Variants in GMDS observed in about 807,000 individuals in gnomAD.
GMDS encodes the protein GDP-mannose 4,6 dehydratase.
In GMDS, 20 loss-of-function variants were observed where a neutral mutation model predicts 49.9. The ratio of observed to expected loss-of-function variants is 0.40; its 90% CI spans 0.28 to 0.58. The LOEUF (loss-of-function observed/expected upper bound fraction) is 0.58, where lower values mean the gene tolerates loss of function less well. Among genes scored for constraint, GMDS ranks in the 20% least tolerant of loss-of-function variants. The pLI is 0.42. For synonymous variants in GMDS, 177 were observed against 178.6 expected (o/e 0.99, Z 0.07); for missense variants, 362 against 481.4 (o/e 0.75, Z 2.32).
chr6:1,816,878 AG>A (rs1488601515), intron 7 of GMDS, among the ~76,000 whole-genome samples: 1 of 151,358 alleles, frequency 6.6e-6, no homozygotes, highest in Non-Finnish European at 1.5e-5. Flanking sequence ...TTTCAATGGA[AG>A]GGGGGTGGTA....
intron 7 of GMDS, among the ~76,000 whole-genome samples, chr6:1,885,218 T>C (rs890681381): frequency 1.3e-5 from 2 of 152,170 alleles, no homozygotes; most frequent in Non-Finnish European, 1.5e-5. Context: ...TGTAATTTAT[T>C]AGAAAAGCCT....
intron 4 of GMDS, among the ~76,000 whole-genome samples, chr6:2,090,791 G>C (rs1239072287): frequency 2.6e-5 from 4 of 152,098 alleles, no homozygotes; most frequent in Non-Finnish European, 5.9e-5. Flanking sequence ...TATTGAAGAA[G>C]GATTTAGCTG....
In GMDS at chr6:2,163,615, G is replaced by A. The variant is rs145788707; in HGVS notation, c.103-38884C>T. On this transcript the variant is annotated intron_variant, in intron 1 of 10. Transcript: ENST00000380815. ...ATAACATTTTAATTTGAGTCCAAAG[G>A]GAGGAAAAGACCATGTCCCAGCTCA... 1.0e-3 allele frequency among the ~76,000 whole-genome samples: 155 copies of A among 152,270 alleles called. 1 individual carries two copies. The highest frequency in any genetic ancestry group is 3.5e-3 in the African/African-American group (147 of 41,556).
chr6:2,039,905 C>T (rs1769554545), intron 4 of GMDS, among the ~76,000 whole-genome samples: 2 of 152,136 alleles, frequency 1.3e-5, no homozygotes, highest in Admixed American at 1.3e-4. Context: ...GTATTATGTA[C>T]AGTACATAAC....
At chr6:2,060,523 T>A (rs1205948313) in intron 4 of GMDS, among the ~76,000 whole-genome samples, 1 of 152,136 alleles carries the variant, frequency 6.6e-6, no homozygotes, top group Non-Finnish European at 1.5e-5. Context: ...AGCTTATCCA[T>A]TCTAGGAGGT....
intron 4 of GMDS, among the ~76,000 whole-genome samples, chr6:2,038,196 C>A (rs531643941): frequency 6.6e-6 from 1 of 152,238 alleles, no homozygotes; most frequent in East Asian, 1.9e-4. Flanking sequence ...CTGGTTTTGT[C>A]CCAGCCTTGC....
At chr6:1,954,874 A>G (rs150113397) in intron 6 of GMDS, among the ~76,000 whole-genome samples, 240 of 152,290 alleles carry the variant, frequency 1.6e-3, no homozygotes, top group African/African-American at 5.0e-3. Context: ...GGTAATGGCC[A>G]GTTGGTGGAG....
chr6:2,082,148 A>G (rs1227102950), intron 4 of GMDS, among the ~76,000 whole-genome samples: 3 of 152,202 alleles, frequency 2.0e-5, no homozygotes, highest in African/African-American at 7.2e-5. Context: ...GACACATGAT[A>G]CGTGTTCCCT....
At chr6:2,041,597 T>C (rs902775781) in intron 4 of GMDS, among the ~76,000 whole-genome samples, 1 of 152,010 alleles carries the variant, frequency 6.6e-6, no homozygotes, top group African/African-American at 2.4e-5. Context: ...ATCCTCACCC[T>C]CCCATCCTGG....
At chr6:1,919,007 C>T (rs920358222) in intron 7 of GMDS, among the ~76,000 whole-genome samples, 1 of 152,108 alleles carries the variant, frequency 6.6e-6, no homozygotes, top group East Asian at 1.9e-4. Flanking sequence ...AAGAAAGCAT[C>T]TTTTAATAGT....
chr6:2,226,027 G>A (rs1456492609), intron 1 of GMDS, among the ~76,000 whole-genome samples: 1 of 151,616 alleles, frequency 6.6e-6, no homozygotes, highest in East Asian at 1.9e-4. Flanking sequence ...AAAAGAGAGA[G>A]GAATAGAAAA....
intron 7 of GMDS, among the ~76,000 whole-genome samples, chr6:1,821,135 C>G (rs564318957): frequency 2.0e-5 from 3 of 152,172 alleles, no homozygotes; most frequent in Non-Finnish European, 2.9e-5. Context: ...TTGAGAGAAG[C>G]AATTATTACA....
At chr6:2,102,419 T>C (rs1773978073) in intron 4 of GMDS, among the ~76,000 whole-genome samples, 1 of 152,180 alleles carries the variant, frequency 6.6e-6, no homozygotes, top group Non-Finnish European at 1.5e-5. Context: ...TTTAAAACAA[T>C]ATTCTTCAGT....
intron 7 of GMDS, among the ~76,000 whole-genome samples, chr6:1,918,652 G>C (rs1761542393): frequency 1.3e-5 from 2 of 152,158 alleles, no homozygotes; most frequent in Non-Finnish European, 2.9e-5. Context: ...AGGAGGCTGA[G>C]GTGGGAGGAT....
At chr6:2,065,397 C>T (rs1339013886) in intron 4 of GMDS, among the ~76,000 whole-genome samples, 1 of 152,208 alleles carries the variant, frequency 6.6e-6, no homozygotes, top group Non-Finnish European at 1.5e-5. Flanking sequence ...CAGTTCCTCA[C>T]CAGCAATGGA....
rs79224643 is a variant in GMDS at position 1,931,664 on chromosome 6, G to T, written c.644-1434C>A. ...ATTGACTTGTAAGAATTAAATTTAGGTTTTTTGATGTTTATCATTATTTCA... is the reference window on the plus strand; with the variant it reads ...ATTGACTTGTAAGAATTAAATTTAGTTTTTTTGATGTTTATCATTATTTCA... On this transcript the variant is annotated intron_variant, in intron 6 of 10. Coordinates refer to ENST00000380815, the MANE Select transcript of GMDS (RefSeq NM_001500.4). Among the ~76,000 whole-genome samples, 975 of 152,274 alleles carry T rather than the reference G, an allele frequency of 6.4e-3. 9 individuals are homozygous for T. Among genetic ancestry groups the T allele is most frequent in the Admixed American group, 0.011 (168 of 15,298 alleles).
At chr6:1,752,341 G>A (rs929760362) in intron 7 of GMDS, among the ~76,000 whole-genome samples, 5 of 152,148 alleles carry the variant, frequency 3.3e-5, no homozygotes, top group African/African-American at 1.2e-4. Flanking sequence ...AGAGAAAAAA[G>A]AATGAAAAGG....
At chr6:1,793,940 T>C (rs1168117856) in intron 7 of GMDS, among the ~76,000 whole-genome samples, 1 of 152,196 alleles carries the variant, frequency 6.6e-6, no homozygotes, top group Non-Finnish European at 1.5e-5. Context: ...TCGCCAATAA[T>C]GGTAGAAGTG....
intron 7 of GMDS, among the ~76,000 whole-genome samples, chr6:1,854,838 C>T (rs930000638): frequency 2.0e-5 from 3 of 152,146 alleles, no homozygotes; most frequent in Admixed American, 2.0e-4. Flanking sequence ...TATTATCATC[C>T]TTTCTTGCTA....
Sources: gnomAD v4.1 joint callset for allele counts (sites outside exome capture counted in the v4.1 genomes callset) on GRCh38, gnomAD v4.1.1 for gene constraint, MANE v1.5 for transcripts, NCBI Gene and HGNC (gene_info 2026-07-23, HGNC 2026-07-21) for gene names.